The following MIS18BP1 variants were observed in gnomAD, a reference collection of about 807,000 sequenced individuals.
MIS18BP1 encodes the protein MIS18 binding protein 1, also known as mis18-binding protein 1.
A neutral mutation model predicts 116.1 loss-of-function variants in MIS18BP1; 72 were observed. That is an observed-to-expected ratio of 0.62 (90% CI 0.51 to 0.75). The LOEUF (loss-of-function observed/expected upper bound fraction) is 0.75. Among genes scored for constraint, MIS18BP1 ranks in the 30% least tolerant of loss-of-function variants. MIS18BP1 has a pLI of 0.00. For missense variants in MIS18BP1, 1,363 were observed against 1,303.2 expected (o/e 1.05, Z -0.71); for synonymous variants, 386 against 427.0 (o/e 0.90, Z 1.18).
intron 13 of MIS18BP1, 43 bp from the exon 14 acceptor site, chr14:45,210,571 G>C (rs1220428068): frequency 6.2e-7 from 1 of 1,603,998 alleles, no homozygotes; most frequent in South Asian, 1.1e-5. Context: ...CCCATAAAAG[G>C]TATTTTCTCA....
Position 45,242,385 on chromosome 14 carries a change from T to G in MIS18BP1, c.792A>C (p.Lys264Asn). The change falls in exon 4 of 17, where the codon AAA becomes AAC. Residue 264 changes from lysine to asparagine, a missense_variant. Transcript: ENST00000310806. ...CGCTTTCTAAAACAAACGTGTCCTT[T>G]TTGGATTTAGTGGTTGCAACTATAC... is the stretch of plus-strand genomic sequence containing the variant. ...KESIVATTKS[K>N]KDTFVLESVD... 6.2e-7 allele frequency: 1 copy of G among 1,614,080 alleles called. No homozygotes were observed. The highest frequency in any genetic ancestry group is 8.5e-7 in the Non-Finnish European group (1 of 1,179,978).
At chr14:45,212,462 C>G (rs913928155) in intron 13 of MIS18BP1, among the ~76,000 whole-genome samples, 3 of 152,134 alleles carry the variant, frequency 2.0e-5, no homozygotes, top group Non-Finnish European at 4.4e-5. Flanking sequence ...CCCCACCCCC[C>G]ACCAGGAATG....
rs565040164 is a variant in MIS18BP1 at position 45,225,667 on chromosome 14, C to T, written c.1841-921G>A. On this transcript the variant is annotated intron_variant, in intron 10 of 16. Transcript: ENST00000310806. ...GTACAAAACAAGCAAAAGAGAACAA[C>T]CTGAGAATCTTATATCTTGTCACTA... Among the ~76,000 whole-genome samples, 5 of 152,204 alleles carry T rather than the reference C, an allele frequency of 3.3e-5. No individual in the cohort carries two copies. In the East Asian group the frequency reaches 9.6e-4, roughly 29 times the overall value.
intron 1 of MIS18BP1, among the ~76,000 whole-genome samples, chr14:45,249,394 AT>A (rs1024040519): frequency 6.6e-6 from 1 of 151,686 alleles, no homozygotes; most frequent in African/African-American, 2.4e-5. Context: ...GTTTTTTTAC[AT>A]TTTTTTGTAG....
In MIS18BP1 at chr14:45,204,171, C is replaced by G; in HGVS notation, c.3337G>C (p.Ala1113Pro). ...NSGIGKLFTN[A>P]VESLDEEEKD... is the part of the protein sequence containing the mutation. ...TCTTCTTCATCTAAAGATTCCACAG[C>G]ATTAGTGAAAAGTTTTCCAATACCA... The change falls in exon 17 of 17, where the codon GCT becomes CCT. Residue 1113 changes from alanine (A) to proline (P), a missense_variant. Transcript: ENST00000310806. The G allele has an allele frequency of 6.2e-7, 1 of 1,611,536 alleles. No individual in the cohort carries two copies. The highest frequency in any genetic ancestry group is 8.5e-7 in the Non-Finnish European group (1 of 1,179,008).
At chr14:45,231,361 AT>A (rs1449984329) in intron 7 of MIS18BP1, 63 bp from the exon 8 acceptor site, 3 of 1,396,514 alleles carry the variant, frequency 2.1e-6, no homozygotes, top group Middle Eastern at 2.4e-4. Flanking sequence ...AACAAAAAAA[AT>A]CTTCATAAAT....
rs1481437480 is a variant in MIS18BP1 at position 45,210,393 on chromosome 14, C to T, written c.3139G>A (p.Gly1047Ser). The T allele has an allele frequency of 6.2e-7, 1 of 1,613,630 alleles. No individual in the cohort carries two copies. Among genetic ancestry groups the T allele is most frequent in the South Asian group, 1.1e-5 (1 of 91,028 alleles). The change falls in exon 14 of 17, where the codon GGT becomes AGT. Residue 1047 changes from glycine (G) to serine (S), a missense_variant. Physicochemically the swap from Gly to Ser is moderately conservative, Grantham distance 56. Coordinates refer to ENST00000310806, the MANE Select transcript of MIS18BP1 (RefSeq NM_018353.5). The part of the protein sequence containing the change: ...QCQHVSPGML[G>S]SINRNDCDKY... ...ATGAATATTTACCTATTTATAGAACCTAGCATGCCAGGACTGACATGCTGA... is the reference window on the plus strand; with the variant it reads ...ATGAATATTTACCTATTTATAGAACTTAGCATGCCAGGACTGACATGCTGA...
intron 14 of MIS18BP1, 26 bp downstream of exon 14, chr14:45,210,354 A>T: frequency 6.2e-7 from 1 of 1,607,262 alleles, no homozygotes; most frequent in Non-Finnish European, 8.5e-7. Context: ...GCAGAGAATT[A>T]ACATATCATA....
chr14:45,247,710 A>G (rs1284508912), intron 1 of MIS18BP1, among the ~76,000 whole-genome samples: 1 of 152,126 alleles, frequency 6.6e-6, no homozygotes, highest in Non-Finnish European at 1.5e-5. Context: ...AAAATAAAAT[A>G]AAATAAAATA....
At chr14:45,243,008 T>C (rs535440050) in intron 2 of MIS18BP1, 134 bp from the exon 3 acceptor site, 3 of 547,072 alleles carry the variant, frequency 5.5e-6, no homozygotes, top group South Asian at 3.0e-5. Context: ...TTTTGCAATA[T>C]ATGACAGTTA....
At chr14:45,215,548 GAT>G (rs1236829273) in intron 13 of MIS18BP1, among the ~76,000 whole-genome samples, 3 of 151,960 alleles carry the variant, frequency 2.0e-5, no homozygotes, top group African/African-American at 7.3e-5. Context: ...AAGTAGCTGG[GAT>G]TATAGGTGCA....
intron 13 of MIS18BP1, 144 bp from the exon 14 acceptor site, chr14:45,210,672 T>TACTACTAC: frequency 1.1e-6 from 1 of 883,556 alleles, no homozygotes; most frequent in South Asian, 1.6e-5. Flanking sequence ...CGTAGAGGAG[T>TACTACTAC]AGAGGCTAGA....
chr14:45,229,513 A>G (rs1209665457), intron 8 of MIS18BP1, among the ~76,000 whole-genome samples: 2 of 152,088 alleles, frequency 1.3e-5, no homozygotes, highest in African/African-American at 4.8e-5. Context: ...CAAAAAAAAA[A>G]AAAAAATTGC....
chr14:45,221,738 T>C (rs993029315), intron 11 of MIS18BP1, among the ~76,000 whole-genome samples: 1 of 152,258 alleles, frequency 6.6e-6, no homozygotes, highest in Admixed American at 6.5e-5. Context: ...TGGAATGTTC[T>C]GTAAATGTGA....
rs1891609816 is a variant in MIS18BP1 at position 45,242,512 on chromosome 14, G to A, written c.665C>T (p.Pro222Leu). 1 of 1,573,810 alleles carries A rather than the reference G, an allele frequency of 6.4e-7. No homozygotes were observed. Among genetic ancestry groups the A allele is most frequent in the Non-Finnish European group, 8.6e-7 (1 of 1,167,264 alleles). ...APLHNLTYEL[P>L]TLNQEQENFL... ...ATTTTCCTGTTCTTGGTTCAGAGTT[G>A]GAAGTTCTGCAAAAAATACAAAACA... The change falls in exon 4 of 17, where the codon CCA becomes CTA. Residue 222 changes from proline (P) to leucine (L), a missense_variant. Physicochemically the swap from Pro to Leu is moderately conservative, Grantham distance 98. Coordinates refer to ENST00000310806, the MANE Select transcript of MIS18BP1 (RefSeq NM_018353.5).
chr14:45,247,306 C>A lies in MIS18BP1; in HGVS notation c.-20G>T. On this transcript the variant is annotated 5_prime_UTR_variant, in exon 2 of 17. Coordinates refer to ENST00000310806, the MANE Select transcript of MIS18BP1 (RefSeq NM_018353.5). ...AATCATCTTGACAAGAAAGTAGCAA[C>A]CAAGTTCTTCTAACAGAAAATTCAC... The A allele has an allele frequency of 6.6e-7, 1 of 1,508,826 alleles. No individual in the cohort carries two copies. Among genetic ancestry groups the A allele is most frequent in the Non-Finnish European group, 8.8e-7 (1 of 1,135,346 alleles). The allele number at this position is 1,508,826 out of a possible 1,614,324, so 93.5% of individuals were successfully genotyped here.
chr14:45,219,619 A>G (rs573615128), intron 11 of MIS18BP1, among the ~76,000 whole-genome samples: 20 of 152,342 alleles, frequency 1.3e-4, no homozygotes, highest in African/African-American at 4.8e-4. Flanking sequence ...AAATTCTCCA[A>G]AATTTAACAA....
At position 45,204,393 on chromosome 14, in the gene MIS18BP1, T is replaced by G; in HGVS notation, c.3295+6A>C. The G allele has an allele frequency of 6.2e-7, 1 of 1,604,766 alleles. No individual in the cohort carries two copies. Among genetic ancestry groups the G allele is most frequent in the Non-Finnish European group, 8.5e-7 (1 of 1,176,292 alleles). On this transcript the variant is annotated splice_donor_region_variant and intron_variant, in intron 16 of 16. Coordinates refer to ENST00000310806, the MANE Select transcript of MIS18BP1 (RefSeq NM_018353.5). ...GAGCCACAAAAGAAAGCTGTAAGTGTATTACCTGTGTTAAATGGGGTTTTC... is the reference window on the plus strand; with the variant it reads ...GAGCCACAAAAGAAAGCTGTAAGTGGATTACCTGTGTTAAATGGGGTTTTC...
At chr14:45,230,883 A>G (rs1891254534) in intron 8 of MIS18BP1, among the ~76,000 whole-genome samples, 1 of 152,146 alleles carries the variant, frequency 6.6e-6, no homozygotes, top group Admixed American at 6.5e-5. Context: ...AGCCTCCCAA[A>G]GTGCTGGGAT....
Sources: allele counts gnomAD v4.1 joint callset (sites outside exome capture counted in the v4.1 genomes callset), GRCh38; gene constraint gnomAD v4.1.1; transcripts MANE v1.5; gene names NCBI Gene and HGNC (gene_info 2026-07-23, HGNC 2026-07-21).